The following UGT1A10 variants were observed in gnomAD, a reference collection of about 807,000 sequenced individuals.
The protein encoded by UGT1A10 is UDP-glucuronosyltransferase 1A10.
In UGT1A10, 49 loss-of-function variants were observed where a neutral mutation model predicts 45.8. That is an observed-to-expected ratio of 1.07 (90% CI 0.85 to 1.36). The LOEUF (loss-of-function observed/expected upper bound fraction) is 1.36. Among genes scored for constraint, UGT1A10 ranks in the 40% most tolerant of loss-of-function variants. UGT1A10 has a pLI of 0.00. For synonymous variants in UGT1A10, 284 were observed against 249.7 expected (o/e 1.14, Z -1.29); for missense variants, 745 against 668.6 (o/e 1.11, Z -1.26).
chr2:233,768,439 G>C lies in UGT1A10; in HGVS notation c.1295G>C (p.Ser432Thr), dbSNP rs1306719122. 1 of 1,613,244 alleles carries C rather than the reference G, an allele frequency of 6.2e-7. No homozygotes were observed. The highest frequency in any genetic ancestry group is 1.1e-5 in the South Asian group (1 of 90,868). ...NALKAVINDK[S>T]YKENIMRLSS... ...CTAAAAGCAGTCATCAATGACAAAA[G>C]GTAAGAAAGAAGATACAGAAGAATA... The change falls in exon 4 of 5, where the codon AGT becomes ACT. Residue 432 changes from serine (S) to threonine (T), a missense_variant and splice_region_variant. By Grantham distance (58) the Ser-to-Thr change is moderately conservative. Transcript: ENST00000344644.
At position 233,772,917 on chromosome 2, in the gene UGT1A10, G is replaced by A. The variant is rs930433907; in HGVS notation, c.*358G>A. ...TCCCACGGCTGCCCCTACTGCAAAT[G>A]GCAGTTTTAATCTTATCTTTTGGCT... On this transcript the variant is annotated 3_prime_UTR_variant, in exon 5 of 5. Coordinates refer to ENST00000344644, the MANE Select transcript of UGT1A10 (RefSeq NM_019075.4). The A allele has an allele frequency of 5.3e-6, 2 of 380,130 alleles. No individual in the cohort carries two copies. The highest frequency in any genetic ancestry group is 9.3e-6 in the Non-Finnish European group (2 of 215,476). The allele number at this position is 380,130 out of a possible 1,614,324, so 23.5% of individuals were successfully genotyped here.
rs547291485 is a variant in UGT1A10, at chr2:233,711,384, G to C, written c.856-55650G>C. 6.2e-3 allele frequency among the ~76,000 whole-genome samples: 952 copies of C among 152,360 alleles called. 6 individuals carry two copies. Among genetic ancestry groups the C allele is most frequent in the Non-Finnish European group, 0.012 (789 of 68,018 alleles). ...TGAATGTGGTGAGAGCACCCTCCCA[G>C]GTGTGTTCCACCCTCACCCCGGGCT... On this transcript the variant is annotated intron_variant, in intron 1 of 4. Transcript: ENST00000344644.
chr2:233,665,857 C>A (rs1299890339), intron 1 of UGT1A10, among the ~76,000 whole-genome samples: 6 of 152,074 alleles, frequency 3.9e-5, no homozygotes, highest in Non-Finnish European at 7.4e-5. Flanking sequence ...TAAGAATTTG[C>A]CAGACAATAT....
At chr2:233,747,840 A>T in intron 1 of UGT1A10, 1 of 1,613,552 alleles carries the variant, frequency 6.2e-7, no homozygotes, top group South Asian at 1.1e-5. Flanking sequence ...ATTCCTGCAA[A>T]GGGTCAAGAA....
chr2:233,758,463 T>A (rs1240923270), intron 1 of UGT1A10, among the ~76,000 whole-genome samples: 1 of 152,228 alleles, frequency 6.6e-6, no homozygotes, highest in Admixed American at 6.5e-5. Flanking sequence ...ATTATCACCC[T>A]TAAGGTTTAA....
chr2:233,762,716 G>A (rs1165030295), intron 1 of UGT1A10, among the ~76,000 whole-genome samples: 4 of 149,682 alleles, frequency 2.7e-5, no homozygotes, highest in African/African-American at 7.3e-5. Flanking sequence ...TATTTTACAC[G>A]GTTTTTTTTT....
At chr2:233,759,652 C>G (rs35665780) in intron 1 of UGT1A10, among the ~76,000 whole-genome samples, 1 of 121,978 alleles carries the variant, frequency 8.2e-6, no homozygotes, top group East Asian at 2.9e-4. Context: ...TTCACGATTT[C>G]TAAGTTCCTG....
chr2:233,740,275 T>C (rs1342427185), intron 1 of UGT1A10, among the ~76,000 whole-genome samples: 1 of 151,910 alleles, frequency 6.6e-6, no homozygotes, highest in Non-Finnish European at 1.5e-5. Context: ...ATTGAAGTTA[T>C]ACTGAAAGGG....
At chr2:233,682,022 CTGGTAG>C (rs2074551110) in intron 1 of UGT1A10, 5 of 1,614,110 alleles carry the variant, frequency 3.1e-6, no homozygotes, top group Non-Finnish European at 4.2e-6. Context: ...AGGGAAGCTG[CTGGTAG>C]TGCCCATGGA....
chr2:233,693,414 ACTT>A (rs749598599), intron 1 of UGT1A10: 2 of 1,614,132 alleles, frequency 1.2e-6, no homozygotes, highest in East Asian at 4.5e-5. Context: ...GACACCCTGA[ACTT>A]CTTTAAGGAG....
intron 1 of UGT1A10, among the ~76,000 whole-genome samples, chr2:233,696,184 T>G (rs2075330442): frequency 6.6e-6 from 1 of 152,222 alleles, no homozygotes. Flanking sequence ...ATTGAAGAGC[T>G]ATCTGCACTC....
intron 1 of UGT1A10, among the ~76,000 whole-genome samples, chr2:233,677,491 T>C (rs2074391970): frequency 6.6e-6 from 1 of 152,174 alleles, no homozygotes; most frequent in Admixed American, 6.6e-5. Context: ...ATAGTTTGTA[T>C]GTTATTAGTA....
At position 233,636,483 on chromosome 2, in the gene UGT1A10, G is replaced by C. The variant is rs769889731; in HGVS notation, c.-40G>C. 1 of 1,590,210 alleles carries C rather than the reference G, an allele frequency of 6.3e-7. No individual in the cohort carries two copies. Among genetic ancestry groups the C allele is most frequent in the Non-Finnish European group, 8.6e-7 (1 of 1,166,908 alleles). ...TTCTTCCGCCTACTGTATCATAGCA[G>C]CTTAGAATCCCAGCTGCTGGCTCGG... is the stretch of plus-strand genomic sequence containing the variant. On this transcript the variant is annotated 5_prime_UTR_variant, in exon 1 of 5. Coordinates refer to ENST00000344644, the MANE Select transcript of UGT1A10 (RefSeq NM_019075.4).
At chr2:233,678,082 C>A (rs1480839937) in intron 1 of UGT1A10, among the ~76,000 whole-genome samples, 1 of 152,124 alleles carries the variant, frequency 6.6e-6, no homozygotes, top group Non-Finnish European at 1.5e-5. Flanking sequence ...ACACCAAATA[C>A]CATTGTTTTC....
chr2:233,685,187 T>C (rs774060985), intron 1 of UGT1A10, among the ~76,000 whole-genome samples: 5 of 152,124 alleles, frequency 3.3e-5, no homozygotes, highest in Non-Finnish European at 5.9e-5. Context: ...CAGGAGAACA[T>C]TAAAACGGTT....
chr2:233,714,464 G>T (rs1484819290), intron 1 of UGT1A10, among the ~76,000 whole-genome samples: 2 of 152,160 alleles, frequency 1.3e-5, no homozygotes, highest in African/African-American at 2.4e-5. Context: ...GTGTTGGATT[G>T]TAATAGGAGA....
At position 233,636,613 on chromosome 2, in the gene UGT1A10, G is replaced by A. The variant is rs755044385; in HGVS notation, c.91G>A (p.Val31Met). 6 of 1,614,052 alleles carry A rather than the reference G, an allele frequency of 3.7e-6. No individual in the cohort carries two copies. The highest frequency in any genetic ancestry group is 1.7e-5 in the Admixed American group (1 of 59,996). Residue 31 changes from valine (V) to methionine (M), a missense_variant, in exon 1 of 5, where the codon GTG becomes ATG. Val to Met is a conservative substitution (Grantham distance 21, BLOSUM62 1). Transcript: ENST00000344644. Reference sequence around the variant, plus strand: ...TGCCGAGGCAGGGAAGCTGCTGGTAGTGCCCATGGATGGGAGTCACTGGTT... The same window carrying A: ...TGCCGAGGCAGGGAAGCTGCTGGTAATGCCCATGGATGGGAGTCACTGGTT... Reference protein sequence around the residue: ...GFAEAGKLLVVPMDGSHWFTM... With the variant: ...GFAEAGKLLVMPMDGSHWFTM...
intron 1 of UGT1A10, among the ~76,000 whole-genome samples, chr2:233,641,582 G>A (rs1559320990): frequency 6.6e-6 from 1 of 152,130 alleles, no homozygotes; most frequent in African/African-American, 2.4e-5. Flanking sequence ...GTATTTCTGT[G>A]TACTTACTAT....
At chr2:233,718,838 G>A (rs529035115) in intron 1 of UGT1A10, 2 of 1,613,656 alleles carry the variant, frequency 1.2e-6, no homozygotes, top group East Asian at 2.2e-5. Flanking sequence ...GAGGACTCCA[G>A]GTTCCCCTGC....
Sources: gnomAD v4.1 joint callset for allele counts (sites outside exome capture counted in the v4.1 genomes callset) on GRCh38, gnomAD v4.1.1 for gene constraint, MANE v1.5 for transcripts, NCBI Gene and HGNC (gene_info 2026-07-23, HGNC 2026-07-21) for gene names.